CLEC16A: variants seen among roughly 807,000 people sequenced by gnomAD.
CLEC16A encodes the protein protein CLEC16A.
CLEC16A carries 51 observed loss-of-function variants against 109.5 expected under a neutral mutation model. The observed-to-expected ratio is 0.47, with a 90% CI of 0.37 to 0.59. The LOEUF (loss-of-function observed/expected upper bound fraction) is 0.59, where lower values mean the gene tolerates loss of function less well. Among genes scored for constraint, CLEC16A ranks in the 20% least tolerant of loss-of-function variants. The probability of loss-of-function intolerance (pLI) is 0.00; values close to 1 mark genes in which losing one functional copy is unlikely to be tolerated. For synonymous variants in CLEC16A, 673 were observed against 564.2 expected (o/e 1.19, Z -2.73); for missense variants, 1,339 against 1,394.0 (o/e 0.96, Z 0.63).
At chr16:10,946,349 C>T (rs1474773407) in intron 1 of CLEC16A, among the ~76,000 whole-genome samples, 1 of 152,124 alleles carries the variant, frequency 6.6e-6, no homozygotes, top group East Asian at 1.9e-4. Context: ...TCAGCTGTGA[C>T]CTTTCTAGCA....
At chr16:10,984,341 T>A (rs2043499169) in intron 10 of CLEC16A, among the ~76,000 whole-genome samples, 1 of 152,190 alleles carries the variant, frequency 6.6e-6, no homozygotes, top group East Asian at 1.9e-4. Flanking sequence ...GTGGCATTAG[T>A]GAATTGATTG....
chr16:11,119,106 T>A (rs1297506593), intron 19 of CLEC16A, among the ~76,000 whole-genome samples: 3 of 152,180 alleles, frequency 2.0e-5, no homozygotes, highest in Non-Finnish European at 4.4e-5. Context: ...GTTCAAGCGA[T>A]TCTCCACCTC....
chr16:11,107,672 TC>T (rs761555175), intron 19 of CLEC16A, among the ~76,000 whole-genome samples: 13 of 152,210 alleles, frequency 8.5e-5, no homozygotes, highest in Non-Finnish European at 1.5e-4. Context: ...TTTCAGGTGA[TC>T]TGTAGAATTT....
intron 22 of CLEC16A, among the ~76,000 whole-genome samples, chr16:11,136,438 C>T (rs1214119679): frequency 1.3e-5 from 2 of 152,116 alleles, no homozygotes; most frequent in South Asian, 2.1e-4. Context: ...AAACGTGCAG[C>T]AAAGGTTAAC....
At position 11,024,931 on chromosome 16, in the gene CLEC16A, C is replaced by T; in HGVS notation, c.1537+10C>T. 5 of 1,586,284 alleles carry T rather than the reference C, an allele frequency of 3.2e-6. No homozygotes were observed. Among genetic ancestry groups the T allele is most frequent in the Non-Finnish European group, 4.3e-6 (5 of 1,162,114 alleles). On this transcript the variant is annotated intron_variant, in intron 13 of 23. Transcript: ENST00000409790. ...ATGTCTCATAATAAAGGTAAGCACC[C>T]TTGCCTTGCCTGACTTCCTTGCTGG... is the stretch of plus-strand genomic sequence containing the variant.
Position 11,039,167 on chromosome 16 carries a change from C to T in CLEC16A, c.1538-587C>T, listed in dbSNP as rs2152845982. On this transcript the variant is annotated intron_variant, in intron 13 of 23. Transcript: ENST00000409790. The stretch of plus-strand genomic sequence containing the variant: ...TGGTGTCCCCTTTTTCTACTCCCTT[C>T]CCTGTGTCTAGGAGAATGCCACCAT... Among the ~76,000 whole-genome samples, 2 of 152,260 alleles carry T rather than the reference C, an allele frequency of 1.3e-5. 1 individual carries two copies. The highest frequency in any genetic ancestry group is 4.1e-4 in the South Asian group (2 of 4,820).
Position 11,092,030 on chromosome 16 carries a change from C to T in CLEC16A, c.2117-28585C>T, listed in dbSNP as rs961319768. Among the ~76,000 whole-genome samples the T allele has an allele frequency of 4.6e-5, 7 of 152,046 alleles. 1 individual carries two copies. The East Asian group carries it at 1.4e-3, about 29-fold the overall frequency. Reference sequence around the variant, plus strand: ...TCAGTGTGCAGAAGCCCTCCATTATCGACAGAAAACAAGCTCCTTAAAAAC... The same window carrying T: ...TCAGTGTGCAGAAGCCCTCCATTATTGACAGAAAACAAGCTCCTTAAAAAC... On this transcript the variant is annotated intron_variant, in intron 19 of 23. Transcript: ENST00000409790.
chr16:11,146,725 T>C (rs989578517), intron 22 of CLEC16A, among the ~76,000 whole-genome samples: 39 of 125,064 alleles, frequency 3.1e-4, no homozygotes, highest in African/African-American at 1.2e-3. Flanking sequence ...GATAGATGGA[T>C]AGAGGTGCAG....
At chr16:11,172,876 G>C (rs1333889654) in intron 23 of CLEC16A, among the ~76,000 whole-genome samples, 1 of 152,112 alleles carries the variant, frequency 6.6e-6, no homozygotes, top group Non-Finnish European at 1.5e-5. Flanking sequence ...GCAACAGAGC[G>C]GGACTCTGTC....
intron 7 of CLEC16A, among the ~76,000 whole-genome samples, chr16:10,975,659 C>G (rs918942452): frequency 1.3e-5 from 2 of 151,660 alleles, no homozygotes; most frequent in African/African-American, 2.4e-5. Context: ...TTTTTCTTTT[C>G]TTTTTTGAGA....
At chr16:11,057,862 C>G (rs567488277) in intron 18 of CLEC16A, among the ~76,000 whole-genome samples, 9 of 152,238 alleles carry the variant, frequency 5.9e-5, no homozygotes, top group African/African-American at 2.2e-4. Flanking sequence ...GGCTGCCTGT[C>G]ATTGCTCAGC....
chr16:10,973,859 T>C (rs1006659745), intron 7 of CLEC16A, among the ~76,000 whole-genome samples: 1 of 138,694 alleles, frequency 7.2e-6, no homozygotes, highest in African/African-American at 2.7e-5. Context: ...GTATGAGCCA[T>C]ACATCCGGCC....
At chr16:11,078,926 G>T (rs1195663225) in intron 19 of CLEC16A, among the ~76,000 whole-genome samples, 1 of 152,176 alleles carries the variant, frequency 6.6e-6, no homozygotes, top group Non-Finnish European at 1.5e-5. Context: ...AGTTGAGTTT[G>T]TGGAAGTTAA....
At chr16:11,081,534 C>T (rs2049718585) in intron 19 of CLEC16A, among the ~76,000 whole-genome samples, 1 of 152,140 alleles carries the variant, frequency 6.6e-6, no homozygotes, top group South Asian at 2.1e-4. Flanking sequence ...CACTAAAAGG[C>T]TCAAAAATCC....
Position 11,179,082 on chromosome 16 carries a change from C to T in CLEC16A, c.*392C>T, listed in dbSNP as rs1031093389. 3.5e-5 allele frequency: 7 copies of T among 199,838 alleles called. No individual in the cohort carries two copies. Among genetic ancestry groups the T allele is most frequent in the East Asian group, 1.1e-4 (1 of 8,898 alleles). The allele number at this position is 199,838 out of a possible 1,614,324, so 12.4% of individuals were successfully genotyped here. On this transcript the variant is annotated 3_prime_UTR_variant, in exon 24 of 24. Transcript: ENST00000409790. ...AGAAGAATTGGACCAGGTCACTGTA[C>T]GTAGAAATTTGTAGAAAAGCAGACT...
At chr16:11,038,055 A>G (rs2047121597) in intron 13 of CLEC16A, among the ~76,000 whole-genome samples, 1 of 152,136 alleles carries the variant, frequency 6.6e-6, no homozygotes, top group African/African-American at 2.4e-5. Flanking sequence ...GGGGCATGAG[A>G]GAGACTACTA....
At chr16:10,978,369 G>A (rs184382383) in intron 8 of CLEC16A, among the ~76,000 whole-genome samples, 1 of 152,210 alleles carries the variant, frequency 6.6e-6, no homozygotes, top group East Asian at 1.9e-4. Flanking sequence ...AGAGCCAGCT[G>A]GTCACCATGC....
At chr16:11,074,364 A>C (rs1016653805) in intron 19 of CLEC16A, among the ~76,000 whole-genome samples, 1 of 152,272 alleles carries the variant, frequency 6.6e-6, no homozygotes, top group Non-Finnish European at 1.5e-5. Context: ...GAAATGAAGT[A>C]GAAATATGGA....
In CLEC16A at chr16:11,126,119, G is replaced by A. The variant is rs200156002; in HGVS notation, c.2614G>A (p.Val872Met). The A allele has an allele frequency of 1.9e-5, 30 of 1,613,700 alleles. No individual in the cohort carries two copies. The highest frequency in any genetic ancestry group is 1.6e-4 in the Middle Eastern group (1 of 6,084). The part of the protein sequence containing the change: ...GSSDPTVQRS[V>M]FASVDKVPGF... ...CAGCGACCCCACAGTGCAGCGCTCC[G>A]TGTTTGCATCGGTGGACAAGGTGCC... The change falls in exon 22 of 24, where the codon GTG (valine) becomes ATG (methionine). Residue 872 changes from valine (V) to methionine (M), a missense_variant. By Grantham distance (21) the Val-to-Met change is conservative. Coordinates refer to ENST00000409790, the MANE Select transcript of CLEC16A (RefSeq NM_015226.3).
Sources: allele counts gnomAD v4.1 joint callset (sites outside exome capture counted in the v4.1 genomes callset), GRCh38; gene constraint gnomAD v4.1.1; transcripts MANE v1.5; gene names NCBI Gene and HGNC (gene_info 2026-07-23, HGNC 2026-07-21).